MED27: variants seen among roughly 807,000 people sequenced by gnomAD.
MED27 encodes the protein mediator complex subunit 27.
Under a neutral mutation model 38.2 loss-of-function variants are expected in MED27, and 30 were observed. The ratio of observed to expected loss-of-function variants is 0.79; its 90% confidence interval spans 0.59 to 1.07. MED27 has a LOEUF of 1.07. MED27 is among the 50% of genes least tolerant of loss of function. MED27 has a pLI of 0.00. For missense variants in MED27, 289 were observed against 397.5 expected (o/e 0.73, Z 2.32); for synonymous variants, 122 against 153.5 (o/e 0.79, Z 1.52).
At chr9:132,007,189 T>C (rs903097301) in intron 3 of MED27, among the ~76,000 whole-genome samples, 2 of 152,198 alleles carry the variant, frequency 1.3e-5, no homozygotes, top group African/African-American at 4.8e-5. Flanking sequence ...CACTTGTCAC[T>C]GCATGCTGTT....
chr9:131,911,470 G>A (rs564594739), intron 4 of MED27, among the ~76,000 whole-genome samples: 1 of 152,342 alleles, frequency 6.6e-6, no homozygotes, highest in African/African-American at 2.4e-5. Context: ...GGTTCCAAGA[G>A]AGACCAAATA....
intron 2 of MED27, among the ~76,000 whole-genome samples, chr9:132,070,885 T>C (rs1589303169): frequency 6.6e-6 from 1 of 151,746 alleles, no homozygotes. Flanking sequence ...CATATTAATG[T>C]GTGAATTGCT....
intron 3 of MED27, among the ~76,000 whole-genome samples, chr9:131,970,984 A>T (rs117557943): frequency 1.4e-4 from 22 of 152,268 alleles, no homozygotes; most frequent in African/African-American, 3.1e-4. Flanking sequence ...CATTGTGATT[A>T]TAACAGTGAA....
chr9:131,900,409 T>G (rs937015020), intron 4 of MED27, among the ~76,000 whole-genome samples: 1 of 152,224 alleles, frequency 6.6e-6, no homozygotes, highest in Non-Finnish European at 1.5e-5. Context: ...AAAAAGTATT[T>G]AGTTCAGCTC....
intron 4 of MED27, among the ~76,000 whole-genome samples, chr9:131,916,732 C>T (rs1830295976): frequency 1.3e-5 from 2 of 152,128 alleles, no homozygotes; most frequent in South Asian, 4.1e-4. Flanking sequence ...GGGCACTGGC[C>T]AGCTCCCAGC....
chr9:131,906,031 A>G (rs1027648835), intron 4 of MED27, among the ~76,000 whole-genome samples: 4 of 152,236 alleles, frequency 2.6e-5, no homozygotes, highest in African/African-American at 9.6e-5. Flanking sequence ...TATGAAGGAA[A>G]TGAACAAAAC....
intron 6 of MED27, among the ~76,000 whole-genome samples, chr9:131,875,634 T>C (rs1344164990): frequency 1.3e-5 from 2 of 152,152 alleles, no homozygotes; most frequent in African/African-American, 4.8e-5. Flanking sequence ...TTACACTTCA[T>C]ACCTACGAAT....
At position 131,949,054 on chromosome 9, in the gene MED27, GT is replaced by G. The variant is rs143773151; in HGVS notation, c.480-9581del. Reference sequence around the variant, plus strand: ...AGTCGCCCTTTGAGTTCATGGGTACGTCATGAACTAGAACACGTGACAAATA... The same window carrying G: ...AGTCGCCCTTTGAGTTCATGGGTACGCATGAACTAGAACACGTGACAAATA... On this transcript the variant is annotated intron_variant, in intron 3 of 7. Transcript: ENST00000292035. Among the ~76,000 whole-genome samples the G allele has an allele frequency of 1.5e-3, 225 of 152,238 alleles. 1 individual carries two copies. Among genetic ancestry groups the G allele is most frequent in the African/African-American group, 5.3e-3 (219 of 41,536 alleles).
Position 132,023,742 on chromosome 9 carries a change from A to C in MED27, c.349-9275T>G, listed in dbSNP as rs570708496. Among the ~76,000 whole-genome samples the C allele has an allele frequency of 1.1e-3, 174 of 152,348 alleles. 1 individual carries two copies. The highest frequency in any genetic ancestry group is 6.8e-3 in the Middle Eastern group (2 of 294). On this transcript the variant is annotated intron_variant, in intron 2 of 7. Coordinates refer to ENST00000292035, the MANE Select transcript of MED27 (RefSeq NM_004269.4). ...AAGAGAAACTCACACGGAAGGAGAC[A>C]GGAAAACAGGGAGCCATATAATCAC...
At chr9:132,022,257 C>T (rs760272783) in intron 2 of MED27, among the ~76,000 whole-genome samples, 2 of 152,108 alleles carry the variant, frequency 1.3e-5, no homozygotes, top group African/African-American at 2.4e-5. Context: ...TAAGGTTGAA[C>T]CACCCCAGAA....
rs563659019 is a variant in MED27 at position 131,996,398 on chromosome 9, T to G, written c.479+17939A>C. Among the ~76,000 whole-genome samples, 4 of 152,214 alleles carry G rather than the reference T, an allele frequency of 2.6e-5. No homozygotes were observed. In the East Asian group the frequency reaches 7.7e-4, roughly 29 times the overall value. ...CACTGGAGCCGGCAGAGGTCACAGC[T>G]AAGGGTGAGCCAAATCTGGAATGGA... is the stretch of plus-strand genomic sequence containing the variant. On this transcript the variant is annotated intron_variant, in intron 3 of 7. Coordinates refer to ENST00000292035, the MANE Select transcript of MED27 (RefSeq NM_004269.4).
At chr9:131,899,774 C>T (rs143359282) in intron 4 of MED27, among the ~76,000 whole-genome samples, 2 of 152,312 alleles carry the variant, frequency 1.3e-5, no homozygotes, top group South Asian at 2.1e-4. Flanking sequence ...ACAATGATTC[C>T]GATTCTCATG....
At chr9:131,882,910 CTTTT>C (rs112709962) in intron 6 of MED27, among the ~76,000 whole-genome samples, 1 of 141,834 alleles carries the variant, frequency 7.1e-6, no homozygotes. Flanking sequence ...TCAGTGGATA[CTTTT>C]TTTTTTTTTT....
intron 3 of MED27, among the ~76,000 whole-genome samples, chr9:131,964,271 C>T (rs1284215856): frequency 0.011 from 3 of 266 alleles, no homozygotes; most frequent in Non-Finnish European, 0.014. Context: ...ATAACAGCTG[C>T]CAGCAGTGAT....
chr9:131,951,149 C>T (rs756589470), intron 3 of MED27, among the ~76,000 whole-genome samples: 1 of 152,182 alleles, frequency 6.6e-6, no homozygotes, highest in Non-Finnish European at 1.5e-5. Flanking sequence ...CAGGACTCAT[C>T]CCCCAACCTC....
chr9:132,023,075 T>C (rs7868558), intron 2 of MED27, among the ~76,000 whole-genome samples: 2 of 152,194 alleles, frequency 1.3e-5, no homozygotes, highest in African/African-American at 4.8e-5. Context: ...AGAGCCCTAA[T>C]AGGCACTTGA....
intron 2 of MED27, among the ~76,000 whole-genome samples, chr9:132,047,511 ATGGTGACCTATGGT>A (rs1833369924): frequency 6.6e-6 from 1 of 151,688 alleles, no homozygotes; most frequent in Admixed American, 6.6e-5. Context: ...AGTGGTTCAA[ATGGTGACCTATGGT>A]TTTGTAATAA....
intron 4 of MED27, among the ~76,000 whole-genome samples, chr9:131,929,378 A>G (rs1182276209): frequency 6.6e-6 from 1 of 152,160 alleles, no homozygotes; most frequent in East Asian, 1.9e-4. Flanking sequence ...CCCCTTAGGT[A>G]CCAGCTTGGC....
chr9:132,073,884 CT>C, intron 2 of MED27: 1 of 1,138,082 alleles, frequency 8.8e-7, no homozygotes, highest in South Asian at 2.1e-5. Flanking sequence ...AGGCGGACGT[CT>C]TAGTCTGCTT....
Sources: allele counts gnomAD v4.1 joint callset (sites outside exome capture counted in the v4.1 genomes callset), GRCh38; gene constraint gnomAD v4.1.1; transcripts MANE v1.5; gene names NCBI Gene and HGNC (gene_info 2026-07-23, HGNC 2026-07-21).